Variants in DTNA observed in about 807,000 individuals in gnomAD.
DTNA encodes dystrophin-related protein 3.
DTNA carries 43 observed loss-of-function variants against 100.7 expected under a neutral mutation model. That is an observed-to-expected ratio of 0.43 (90% CI 0.33 to 0.55). The LOEUF is 0.55. Ranked by LOEUF, DTNA falls within the 20% of genes least tolerant of loss-of-function variation. The pLI is 0.04. For synonymous variants in DTNA, 349 were observed against 347.9 expected (o/e 1.00, Z -0.04); for missense variants, 798 against 953.9 (o/e 0.84, Z 2.15).
chr18:34,579,775 TTTTG>T (rs2048443023), intron 1 of DTNA, among the ~76,000 whole-genome samples: 1 of 152,142 alleles, frequency 6.6e-6, no homozygotes, highest in African/African-American at 2.4e-5. Context: ...GTGGAGTTTG[TTTTG>T]TTTGTTTAGT....
At chr18:34,536,892 A>G (rs1030883649) in intron 1 of DTNA, among the ~76,000 whole-genome samples, 5 of 151,982 alleles carry the variant, frequency 3.3e-5, no homozygotes, top group African/African-American at 1.2e-4. Context: ...AGCAAATAAT[A>G]TGGGAGGAGA....
chr18:34,852,034 CA>C (rs768305512), intron 15 of DTNA, 106 bp downstream of exon 15: 11 of 1,083,798 alleles, frequency 1.0e-5, no homozygotes, highest in Non-Finnish European at 1.5e-5. Context: ...TATGGCTACT[CA>C]AGGGAAGACA....
At chr18:34,639,421 A>G (rs919983462) in intron 1 of DTNA, among the ~76,000 whole-genome samples, 1 of 152,212 alleles carries the variant, frequency 6.6e-6, no homozygotes, top group Non-Finnish European at 1.5e-5. Flanking sequence ...CCCTGCTTTC[A>G]TGAAGCTTCT....
chr18:34,525,080 G>A (rs1038706226), intron 1 of DTNA, among the ~76,000 whole-genome samples: 1 of 152,084 alleles, frequency 6.6e-6, no homozygotes, highest in African/African-American at 2.4e-5. Context: ...TCAGAACTAT[G>A]TATGTTCTTT....
intron 1 of DTNA, among the ~76,000 whole-genome samples, chr18:34,536,026 A>C (rs909721606): frequency 6.6e-6 from 1 of 152,054 alleles, no homozygotes; most frequent in Non-Finnish European, 1.5e-5. Flanking sequence ...AGAATTTATA[A>C]ATACACACAC....
chr18:34,515,913 C>T (rs1283457722), intron 1 of DTNA, among the ~76,000 whole-genome samples: 2 of 152,052 alleles, frequency 1.3e-5, no homozygotes, highest in Non-Finnish European at 2.9e-5. Flanking sequence ...TCATTTAGCC[C>T]CACCCTTTCA....
At chr18:34,849,378 A>G (rs1477682326) in intron 14 of DTNA, among the ~76,000 whole-genome samples, 6 of 152,322 alleles carry the variant, frequency 3.9e-5, no homozygotes, top group East Asian at 3.9e-4. Context: ...TTATCCATGC[A>G]TATACTTCTA....
intron 17 of DTNA, chr18:34,866,536 A>G (rs1184262751): frequency 5.3e-6 from 6 of 1,124,456 alleles, no homozygotes; most frequent in Non-Finnish European, 5.5e-6. Flanking sequence ...CACAGCACTC[A>G]GAAGCTAACC....
chr18:34,752,576 G>T (rs531222640), intron 1 of DTNA, among the ~76,000 whole-genome samples: 12 of 152,148 alleles, frequency 7.9e-5, no homozygotes, highest in Non-Finnish European at 1.5e-4. Context: ...ATGAGTAATA[G>T]GTGAGTATTC....
rs1790534 is a variant in DTNA, at chr18:34,829,607, T to C, written c.1175+118T>C. 268,024 of 1,056,762 alleles carry C rather than the reference T, an allele frequency of 0.25. 35,943 individuals are homozygous for C. Among genetic ancestry groups the C allele is most frequent in the African/African-American group, 0.32 (19,828 of 62,534 alleles). The allele number at this position is 1,056,762 out of a possible 1,614,324, so 65.5% of individuals were successfully genotyped here. On this transcript the variant is annotated intron_variant, in intron 11 of 22. Coordinates refer to ENST00000444659, the MANE Select transcript of DTNA (RefSeq NM_001386795.1). Reference sequence around the variant, plus strand: ...GTACGTCTTATTGGAGATAGAGGTCTTCTGGGGTTTAATGAAATTGTGTTG... The same window carrying C: ...GTACGTCTTATTGGAGATAGAGGTCCTCTGGGGTTTAATGAAATTGTGTTG...
intron 5 of DTNA, among the ~76,000 whole-genome samples, chr18:34,808,478 C>G (rs1385754019): frequency 1.3e-5 from 2 of 152,216 alleles, no homozygotes; most frequent in African/African-American, 2.4e-5. Flanking sequence ...GTGTAATCCA[C>G]TTTCACCTCC....
intron 22 of DTNA, among the ~76,000 whole-genome samples, chr18:34,885,197 A>C (rs2096910412): frequency 6.6e-6 from 1 of 152,228 alleles, no homozygotes; most frequent in Non-Finnish European, 1.5e-5. Flanking sequence ...CCTCGGGCTC[A>C]AGAGATCAAA....
intron 1 of DTNA, among the ~76,000 whole-genome samples, chr18:34,533,827 T>A (rs1436926827): frequency 6.6e-6 from 1 of 152,136 alleles, no homozygotes; most frequent in East Asian, 1.9e-4. Context: ...ATGGTACAGA[T>A]GGAAATCTTA....
intron 1 of DTNA, among the ~76,000 whole-genome samples, chr18:34,728,833 C>T (rs957614790): frequency 4.6e-5 from 7 of 152,176 alleles, no homozygotes; most frequent in Admixed American, 4.6e-4. Context: ...TCACACCCCA[C>T]CAGCTTCACT....
intron 9 of DTNA, 110 bp from the exon 10 acceptor site, chr18:34,827,483 A>G (rs1380481422): frequency 2.1e-6 from 2 of 948,168 alleles, no homozygotes; most frequent in Non-Finnish European, 3.5e-6. Flanking sequence ...GATCCTGGGA[A>G]AGGTAGAACC....
intron 1 of DTNA, among the ~76,000 whole-genome samples, chr18:34,597,003 G>C (rs1456950738): frequency 6.6e-6 from 1 of 151,836 alleles, no homozygotes; most frequent in Admixed American, 6.6e-5. Context: ...CCCTCCCCTA[G>C]CCCCCAATTC....
At chr18:34,778,037 C>T (rs1268317202) in intron 3 of DTNA, among the ~76,000 whole-genome samples, 1 of 152,120 alleles carries the variant, frequency 6.6e-6, no homozygotes, top group African/African-American at 2.4e-5. Context: ...ACTAGAAGGC[C>T]ATGTGACAAA....
intron 11 of DTNA, among the ~76,000 whole-genome samples, chr18:34,835,619 G>A (rs1375893473): frequency 1.3e-5 from 2 of 152,056 alleles, no homozygotes; most frequent in African/African-American, 2.4e-5. Flanking sequence ...CCGGCCTATC[G>A]CCCCCTTCTC....
intron 1 of DTNA, among the ~76,000 whole-genome samples, chr18:34,644,920 A>T (rs1599519354): frequency 6.6e-6 from 1 of 152,150 alleles, no homozygotes; most frequent in Non-Finnish European, 1.5e-5. Context: ...ATTTTAATGT[A>T]TACTAAGTAT....
Sources: allele counts gnomAD v4.1 joint callset (sites outside exome capture counted in the v4.1 genomes callset), GRCh38; gene constraint gnomAD v4.1.1; transcripts MANE v1.5; gene names NCBI Gene and HGNC (gene_info 2026-07-23, HGNC 2026-07-21).